The following LARGE1 variants were observed in gnomAD, a reference collection of about 807,000 sequenced individuals.
LARGE1 encodes the protein LARGE xylosyl- and glucuronyltransferase 1.
Under a neutral mutation model 87.6 loss-of-function variants are expected in LARGE1, and 43 were observed. The ratio of observed to expected loss-of-function variants is 0.49; its 90% CI spans 0.38 to 0.63. The LOEUF (loss-of-function observed/expected upper bound fraction) is 0.63, where lower values mean the gene tolerates loss of function less well. Among genes scored for constraint, LARGE1 ranks in the 30% least tolerant of loss-of-function variants. LARGE1 has a pLI of 0.00. For synonymous variants in LARGE1, 434 were observed against 394.6 expected, an observed-to-expected ratio of 1.10 and a Z score of -1.18; for missense variants, 802 against 1,000.2, an observed-to-expected ratio of 0.80 and a Z score of 2.67.
At chr22:33,271,189 C>T (rs1360979923), downstream of LARGE1, among the ~76,000 whole-genome samples, 1 of 152,180 alleles carries the variant, frequency 6.6e-6, no homozygotes, top group Non-Finnish European at 1.5e-5. Flanking sequence ...CAAGAATCTT[C>T]CTACATAGGT....
chr22:33,649,503 T>C (rs2080726004), intron 3 of LARGE1, among the ~76,000 whole-genome samples: 1 of 152,214 alleles, frequency 6.6e-6, no homozygotes, highest in Non-Finnish European at 1.5e-5. Context: ...CAAGCCTTTA[T>C]ATGGCCATTC....
the LARGE1 span, among the ~76,000 whole-genome samples, chr22:33,088,053 C>CACACACACACACACAA: frequency 3.5e-5 from 5 of 142,516 alleles, no homozygotes; most frequent in Middle Eastern, 3.6e-3. Flanking sequence ...ACAGGCCTAA[C>CACACACACACACACAA]ACACACACAC....
chr22:33,301,931 C>G (rs1934202971), intron 12 of LARGE1, among the ~76,000 whole-genome samples: 1 of 152,042 alleles, frequency 6.6e-6, no homozygotes, highest in African/African-American at 2.4e-5. Context: ...AAACATGATG[C>G]CCATGAGGTC....
intron 2 of LARGE1, among the ~76,000 whole-genome samples, chr22:33,663,030 G>T (rs1028545541): frequency 2.0e-5 from 3 of 151,230 alleles, no homozygotes; most frequent in Non-Finnish European, 4.4e-5. Context: ...ATTAGAAAAA[G>T]AAATAAGAGG....
At chr22:33,455,580 C>G (rs1000355915) in intron 6 of LARGE1, among the ~76,000 whole-genome samples, 2 of 151,904 alleles carry the variant, frequency 1.3e-5, no homozygotes, top group Non-Finnish European at 2.9e-5. Flanking sequence ...TAGTGAAACC[C>G]TGTATTTACT....
At chr22:33,696,660 ATGT>A (rs1383624105) in intron 2 of LARGE1, among the ~76,000 whole-genome samples, 2 of 152,082 alleles carry the variant, frequency 1.3e-5, no homozygotes, top group Non-Finnish European at 1.5e-5. Flanking sequence ...CCAACATCTG[ATGT>A]TGTTAGTTTT....
At chr22:33,689,571 G>A (rs536498827) in intron 2 of LARGE1, among the ~76,000 whole-genome samples, 1 of 152,284 alleles carries the variant, frequency 6.6e-6, no homozygotes, top group East Asian at 1.9e-4. Flanking sequence ...AAGTAGAAAT[G>A]ACAGAAAGAA....
rs147420973 is a variant in LARGE1, at chr22:33,358,340, T to C, written c.1132-20539A>G. ...CTTGATCCATCCCAATCCTCCAAAA[T>C]CAACCTTAACATTCATCATTCTTAT... On this transcript the variant is annotated intron_variant, in intron 9 of 14. Coordinates refer to ENST00000397394, the MANE Select transcript of LARGE1 (RefSeq NM_133642.5). Among the ~76,000 whole-genome samples the C allele has an allele frequency of 2.3e-3, 350 of 151,804 alleles. 3 individuals are homozygous for C. The highest frequency in any genetic ancestry group is 8.2e-3 in the African/African-American group (338 of 41,404).
At chr22:33,459,239 C>G (rs948269838) in intron 6 of LARGE1, among the ~76,000 whole-genome samples, 4 of 152,078 alleles carry the variant, frequency 2.6e-5, no homozygotes, top group African/African-American at 9.7e-5. Flanking sequence ...AAAACTGAAG[C>G]TCAGAGGCAG....
chr22:33,398,799 G>A (rs570911542), intron 7 of LARGE1, among the ~76,000 whole-genome samples: 11 of 152,146 alleles, frequency 7.2e-5, no homozygotes, highest in African/African-American at 2.4e-4. Flanking sequence ...AAGGGAAGAG[G>A]GCCGACAGAG....
chr22:33,149,954 A>G, the LARGE1 span, among the ~76,000 whole-genome samples: 2 of 152,162 alleles, frequency 1.3e-5, no homozygotes, highest in Non-Finnish European at 2.9e-5. Context: ...CTTGTCTGTC[A>G]CCTAAGTTGG....
chr22:33,840,912 T>C lies in LARGE1; in HGVS notation c.-83+79083A>G, dbSNP rs139860621. ...TGCTGGGATTACAGGCGTGAGCCACTGCACCTGGATGACTTTCCAGCTTTA... is the reference window on the plus strand; with the variant it reads ...TGCTGGGATTACAGGCGTGAGCCACCGCACCTGGATGACTTTCCAGCTTTA... On this transcript the variant is annotated intron_variant, in intron 1 of 14. Coordinates refer to ENST00000397394, the MANE Select transcript of LARGE1 (RefSeq NM_133642.5). Among the ~76,000 whole-genome samples, 1,368 of 152,342 alleles carry C rather than the reference T, an allele frequency of 9.0e-3. 10 individuals carry two copies. Among genetic ancestry groups the C allele is most frequent in the Non-Finnish European group, 0.016 (1,059 of 68,034 alleles).
chr22:33,806,037 C>T (rs181119660), intron 1 of LARGE1, among the ~76,000 whole-genome samples: 2 of 152,276 alleles, frequency 1.3e-5, no homozygotes, highest in African/African-American at 4.8e-5. Context: ...AATCTAATTC[C>T]AAAACTTTTC....
intron 2 of LARGE1, among the ~76,000 whole-genome samples, chr22:33,696,041 G>C (rs760620286): frequency 2.0e-5 from 3 of 152,146 alleles, no homozygotes; most frequent in Admixed American, 6.5e-5. Flanking sequence ...ATTCATTCAA[G>C]TTGTTTCATG....
intron 1 of LARGE1, among the ~76,000 whole-genome samples, chr22:33,894,265 G>T (rs992727492): frequency 6.6e-6 from 1 of 152,124 alleles, no homozygotes; most frequent in African/African-American, 2.4e-5. Context: ...TGGAGTTTTT[G>T]ATCCTGGTCC....
intron 11 of LARGE1, among the ~76,000 whole-genome samples, chr22:33,228,511 T>C (rs932220786): frequency 5.3e-5 from 8 of 152,318 alleles, no homozygotes; most frequent in African/African-American, 1.7e-4. Context: ...ATCCATGATA[T>C]TGGGTGAAGG....
the LARGE1 span, among the ~76,000 whole-genome samples, chr22:33,113,192 G>A: frequency 2.7e-5 from 4 of 149,720 alleles, no homozygotes; most frequent in Non-Finnish European, 5.9e-5. Context: ...GTATATTTAC[G>A]TCACTTAATT....
intron 1 of LARGE1, chr22:33,873,007 AAAAAT>A (rs2064345578): frequency 6.6e-6 from 1 of 152,076 alleles, no homozygotes. Flanking sequence ...TCTCAAAAAA[AAAAAT>A]AAATAAAGCC....
At chr22:33,104,990 TTCTC>T in the LARGE1 span, among the ~76,000 whole-genome samples, 20,616 of 148,240 alleles carry the variant, frequency 0.14, 2,024 homozygotes, top group East Asian at 0.4. Flanking sequence ...TTTCTTTTCT[TTCTC>T]TCTCTCTCTT....
Sources: allele counts gnomAD v4.1 joint callset (sites outside exome capture counted in the v4.1 genomes callset), GRCh38; gene constraint gnomAD v4.1.1; transcripts MANE v1.5; gene names NCBI Gene and HGNC (gene_info 2026-07-23, HGNC 2026-07-21).